PCSK5: variants seen among roughly 807,000 people sequenced by gnomAD.
PCSK5 encodes prohormone convertase 5.
PCSK5 carries 129 observed loss-of-function variants against 233.2 expected under a neutral mutation model. That is an observed-to-expected ratio of 0.55 (90% confidence interval 0.48 to 0.64). PCSK5 has a LOEUF of 0.64. Ranked by LOEUF, PCSK5 falls within the 30% of genes least tolerant of loss-of-function variation. PCSK5 has a pLI of 0.00. For synonymous variants in PCSK5, 825 were observed against 879.2 expected, an observed-to-expected ratio of 0.94 and a Z score of 1.09; for missense variants, 2,076 against 2,430.1, an observed-to-expected ratio of 0.85 and a Z score of 3.06.
At chr9:76,212,593 C>T (rs1455212180) in intron 20 of PCSK5, among the ~76,000 whole-genome samples, 1 of 152,216 alleles carries the variant, frequency 6.6e-6, no homozygotes, top group Non-Finnish European at 1.5e-5. Context: ...TATTCCCAGG[C>T]TCTGGCAATG....
intron 9 of PCSK5, among the ~76,000 whole-genome samples, chr9:76,130,278 C>A (rs1158845286): frequency 6.6e-6 from 1 of 152,076 alleles, no homozygotes. Context: ...GTGTGTGTAA[C>A]CATGAGGACG....
At chr9:75,950,217 GTT>G (rs549663422) in intron 2 of PCSK5, among the ~76,000 whole-genome samples, 1 of 137,586 alleles carries the variant, frequency 7.3e-6, no homozygotes. Flanking sequence ...TTATTTATTT[GTT>G]TTTTTTTTTT....
intron 2 of PCSK5, among the ~76,000 whole-genome samples, chr9:75,977,037 C>T (rs772959935): frequency 2.6e-5 from 4 of 152,262 alleles, no homozygotes; most frequent in East Asian, 1.9e-4. Flanking sequence ...CATCACTTAA[C>T]GTCATAGGTT....
chr9:76,246,082 C>T (rs1029874740), intron 24 of PCSK5, among the ~76,000 whole-genome samples: 1 of 151,906 alleles, frequency 6.6e-6, no homozygotes, highest in African/African-American at 2.4e-5. Flanking sequence ...GCCTGTAATC[C>T]CAGCACTTTG....
intron 3 of PCSK5, among the ~76,000 whole-genome samples, chr9:75,993,074 T>C (rs1182891046): frequency 6.6e-6 from 1 of 152,128 alleles, no homozygotes; most frequent in African/African-American, 2.4e-5. Context: ...TAATGATTTA[T>C]ACTGTCATTT....
At chr9:76,117,830 T>A (rs1401087157) in intron 9 of PCSK5, among the ~76,000 whole-genome samples, 1 of 152,092 alleles carries the variant, frequency 6.6e-6, no homozygotes, top group Non-Finnish European at 1.5e-5. Context: ...GGAATGTTGG[T>A]ACGAAGGAAG....
At chr9:76,245,430 A>G (rs1826560381) in intron 24 of PCSK5, among the ~76,000 whole-genome samples, 1 of 152,202 alleles carries the variant, frequency 6.6e-6, no homozygotes, top group Admixed American at 6.5e-5. Flanking sequence ...TTAAAAAAAG[A>G]GAACCTCTGG....
chr9:76,340,108 C>A (rs1829787324), intron 35 of PCSK5, among the ~76,000 whole-genome samples: 1 of 152,062 alleles, frequency 6.6e-6, no homozygotes, highest in African/African-American at 2.4e-5. Flanking sequence ...CTCCTTAATT[C>A]TGTAATACAC....
At chr9:76,064,255 G>A (rs575941229) in intron 5 of PCSK5, among the ~76,000 whole-genome samples, 2 of 99,200 alleles carry the variant, frequency 2.0e-5, no homozygotes, top group East Asian at 3.1e-4. Flanking sequence ...TCTCCCTCCT[G>A]GACGGGGTGG....
intron 2 of PCSK5, among the ~76,000 whole-genome samples, chr9:75,977,226 A>G (rs556843623): frequency 1.3e-5 from 2 of 152,084 alleles, no homozygotes; most frequent in Non-Finnish European, 2.9e-5. Context: ...TTTTTTGTTA[A>G]CTATTATTTT....
chr9:76,210,922 G>A (rs918146810), intron 20 of PCSK5, among the ~76,000 whole-genome samples: 1 of 152,152 alleles, frequency 6.6e-6, no homozygotes, highest in African/African-American at 2.4e-5. Flanking sequence ...GAGGGATCGG[G>A]GATGACTCCC....
In PCSK5 at chr9:76,214,436, T is replaced by C. The variant is rs181035255; in HGVS notation, c.2627-13067T>C. 8.5e-5 allele frequency among the ~76,000 whole-genome samples: 13 copies of C among 152,190 alleles called. 2 individuals are homozygous for C. The highest frequency in any genetic ancestry group is 3.1e-4 in the African/African-American group (13 of 41,512). On this transcript the variant is annotated intron_variant, in intron 20 of 37. Transcript: ENST00000674117. ...TACTACTTTCTTGAAAAAGGGTATGTATAGCAAAACTCTGGTTAAAAGAGG... is the reference window on the plus strand; with the variant it reads ...TACTACTTTCTTGAAAAAGGGTATGCATAGCAAAACTCTGGTTAAAAGAGG...
intron 20 of PCSK5, among the ~76,000 whole-genome samples, chr9:76,210,366 G>A (rs1364139461): frequency 6.6e-6 from 1 of 152,200 alleles, no homozygotes; most frequent in Non-Finnish European, 1.5e-5. Context: ...GTCATTGGTT[G>A]AGGACAACTC....
intron 24 of PCSK5, among the ~76,000 whole-genome samples, chr9:76,247,543 G>A (rs966403920): frequency 6.6e-6 from 1 of 152,124 alleles, no homozygotes; most frequent in African/African-American, 2.4e-5. Flanking sequence ...ATGTTTAAAG[G>A]TGGATGAAGT....
chr9:76,260,195 T>C (rs551026759), intron 24 of PCSK5, among the ~76,000 whole-genome samples: 1 of 152,286 alleles, frequency 6.6e-6, no homozygotes, highest in South Asian at 2.1e-4. Context: ...AAATGGAGGA[T>C]AATTTCCATA....
intron 21 of PCSK5, among the ~76,000 whole-genome samples, chr9:76,232,908 A>C (rs1194164088): frequency 1.3e-5 from 2 of 152,244 alleles, no homozygotes; most frequent in Non-Finnish European, 2.9e-5. Flanking sequence ...AAATGTTTGC[A>C]AAACATGACA....
chr9:76,234,473 C>A (rs566532939), intron 22 of PCSK5, among the ~76,000 whole-genome samples: 2 of 152,102 alleles, frequency 1.3e-5, no homozygotes, highest in African/African-American at 2.4e-5. Flanking sequence ...AATTATTGAT[C>A]TTTATTCTTC....
rs375434410 is a variant in PCSK5 at position 76,292,249 on chromosome 9, T to C, written c.3159T>C (p.Cys1053=). The part of the protein sequence containing the change: ...LGCSLDDPGT[C]TSCAMGYYRF... ...TTTTTCCAGATGATCCAGGAACATG[T>C]ACATCTTGCGCTATGGGGTATTACA... The change falls in exon 25 of 38, where the codon TGT becomes TGC. Residue 1053 remains cysteine, a synonymous_variant. Coordinates refer to ENST00000674117, the MANE Select transcript of PCSK5 (RefSeq NM_001372043.1). 2 of 1,578,456 alleles carry C rather than the reference T, an allele frequency of 1.3e-6. No individual in the cohort carries two copies. The highest frequency in any genetic ancestry group is 1.7e-6 in the Non-Finnish European group (2 of 1,149,274).
intron 7 of PCSK5, among the ~76,000 whole-genome samples, chr9:76,086,070 A>G (rs911144222): frequency 1.3e-5 from 2 of 152,208 alleles, no homozygotes; most frequent in Non-Finnish European, 2.9e-5. Context: ...ATTGGTAATC[A>G]ATGTTAATAT....
Sources: allele counts gnomAD v4.1 joint callset (sites outside exome capture counted in the v4.1 genomes callset), GRCh38; gene constraint gnomAD v4.1.1; transcripts MANE v1.5; gene names NCBI Gene and HGNC (gene_info 2026-07-23, HGNC 2026-07-21).